ANKMY1: variants seen among roughly 807,000 people sequenced by gnomAD.
ANKMY1 encodes ankyrin repeat and MYND domain-containing protein 1.
Under a neutral mutation model 102.0 loss-of-function variants are expected in ANKMY1, and 98 were observed. The observed-to-expected ratio is 0.96, with a 90% CI of 0.82 to 1.14. The LOEUF is 1.14. Among genes scored for constraint, ANKMY1 ranks in the 50% most tolerant of loss-of-function variants. The probability of loss-of-function intolerance (pLI) is 0.00; values close to 1 mark genes in which losing one functional copy is unlikely to be tolerated. For synonymous variants in ANKMY1, 582 were observed against 559.9 expected (o/e 1.04, Z -0.56); for missense variants, 1,330 against 1,347.6 (o/e 0.99, Z 0.20).
At chr2:240,483,393 G>A (rs1050536581) in intron 15 of ANKMY1, among the ~76,000 whole-genome samples, 5 of 152,134 alleles carry the variant, frequency 3.3e-5, no homozygotes, top group Admixed American at 2.6e-4. Flanking sequence ...CTGACCTCAG[G>A]TGATCCATCC....
chr2:240,488,804 T>C (rs565738162), intron 15 of ANKMY1, among the ~76,000 whole-genome samples: 1 of 152,236 alleles, frequency 6.6e-6, no homozygotes, highest in Non-Finnish European at 1.5e-5. Flanking sequence ...CTGATTTTCT[T>C]GTATTTTAGT....
chr2:240,508,616 C>T (rs59809796), intron 12 of ANKMY1, among the ~76,000 whole-genome samples: 22,556 of 152,252 alleles, frequency 0.15, 2,153 homozygotes, highest in African/African-American at 0.25. Flanking sequence ...AACTGTGTTA[C>T]ATACTAGTTT....
At chr2:240,521,866 A>C (rs1404322474) in intron 8 of ANKMY1, 1 of 152,174 alleles carries the variant, frequency 6.6e-6, no homozygotes, top group Non-Finnish European at 1.5e-5. Flanking sequence ...GGTCTCACTG[A>C]CTTCAAGAAT....
rs370216237 is a variant in ANKMY1 at position 240,499,953 on chromosome 2, C to T, written c.2806+5G>A. 230 of 1,610,564 alleles carry T rather than the reference C, an allele frequency of 1.4e-4. 4 individuals carry two copies. The African/African-American group carries it at 2.7e-3, about 19-fold the overall frequency. ...GAGCAGAGCAGAGCAGGGCCCACTG[C>T]TCACCTCTCTTGCACAGGTACAGCC... On this transcript the variant is annotated splice_donor_5th_base_variant and intron_variant, in intron 15 of 17. Transcript: ENST00000401804. The surrounding 1 kb of genome is among the most constrained non-coding windows in gnomAD (Gnocchi z 4.2).
At chr2:240,515,222 G>A (rs910442096) in intron 9 of ANKMY1, among the ~76,000 whole-genome samples, 2 of 152,178 alleles carry the variant, frequency 1.3e-5, no homozygotes, top group African/African-American at 4.8e-5. Context: ...GGTTTTCTTT[G>A]AGATCTGATT....
rs1361881162 is a variant in ANKMY1, at chr2:240,524,167, C to A, written c.1550G>T (p.Ser517Ile). ...GQCGGSIDHRSSSLKGDSPLV... is the reference protein window; with the variant it reads ...GQCGGSIDHRISSLKGDSPLV... ...CGGGGAGTCCCCCTTCAGAGAGCTG[C>A]TCCTGTGGTCTATGGACCCCCCACA... Residue 517 changes from serine (S) to isoleucine (I), a missense_variant, in exon 8 of 18, where the codon AGC becomes ATC. By Grantham distance (142) the Ser-to-Ile change is moderately radical (BLOSUM62 -2). Transcript: ENST00000401804. 1 of 1,613,878 alleles carries A rather than the reference C, an allele frequency of 6.2e-7. No individual in the cohort carries two copies. Among genetic ancestry groups the A allele is most frequent in the African/African-American group, 1.3e-5 (1 of 74,934 alleles).
chr2:240,509,076 A>G (rs1459609892), intron 12 of ANKMY1, among the ~76,000 whole-genome samples: 1 of 151,594 alleles, frequency 6.6e-6, no homozygotes, highest in Non-Finnish European at 1.5e-5. Flanking sequence ...TGGATGGGTG[A>G]GTAGATGGAT....
At chr2:240,519,480 T>C (rs1018822036) in intron 9 of ANKMY1, among the ~76,000 whole-genome samples, 17 of 152,192 alleles carry the variant, frequency 1.1e-4, no homozygotes, top group Admixed American at 9.8e-4. Context: ...GAGGCCCTCA[T>C]GGACTGACGG....
upstream of ANKMY1, chr2:240,560,818 T>C (rs978263411): frequency 2.1e-6 from 3 of 1,434,440 alleles, no homozygotes; most frequent in Admixed American, 3.0e-5. Flanking sequence ...CGCGCGGGAG[T>C]CACGCTGTGC....
At chr2:240,479,800 G>T in intron 17 of ANKMY1, 145 bp from the exon 18 acceptor site, 1 of 702,568 alleles carries the variant, frequency 1.4e-6, no homozygotes, top group Non-Finnish European at 2.4e-6. Context: ...TCGGGATGCA[G>T]CAAGGACTGA....
intron 4 of ANKMY1, among the ~76,000 whole-genome samples, chr2:240,543,308 G>A (rs1252062719): frequency 3.3e-5 from 5 of 150,660 alleles, no homozygotes; most frequent in African/African-American, 7.3e-5. Context: ...AGCCGAGACC[G>A]TACCACTGCA....
intron 13 of ANKMY1, among the ~76,000 whole-genome samples, chr2:240,500,807 G>A (rs1227589549): frequency 6.6e-6 from 1 of 152,182 alleles, no homozygotes; most frequent in Non-Finnish European, 1.5e-5. Context: ...GCTAGGCCAC[G>A]CCTCGGGGAG....
chr2:240,557,431 C>G, intron 1 of ANKMY1, 79 bp from the exon 2 acceptor site: 2 of 1,392,906 alleles, frequency 1.4e-6, no homozygotes, highest in Non-Finnish European at 1.9e-6. Flanking sequence ...GCCCGGCCCG[C>G]GGCCCCTGAG....
Position 240,500,554 on chromosome 2 carries a change from G to C in ANKMY1, c.2538C>G (p.Leu846=). ...MDSKLALIDR[L]ISHGADILKP... is the part of the protein sequence containing the mutation. The stretch of plus-strand genomic sequence containing the variant: ...TCAGGATGTCGGCCCCGTGACTGAT[G>C]AGTCGGTCAATCTGTGGAGAACAGA... Residue 846 remains leucine (L), a synonymous_variant, in exon 14 of 18, where the codon CTC becomes CTG. Transcript: ENST00000401804. The C allele has an allele frequency of 6.2e-7, 1 of 1,613,960 alleles. No homozygotes were observed. The highest frequency in any genetic ancestry group is 8.5e-7 in the Non-Finnish European group (1 of 1,179,876).
At position 240,524,263 on chromosome 2, in the gene ANKMY1, G is replaced by A. The variant is rs757712026; in HGVS notation, c.1454C>T (p.Pro485Leu). Residue 485 changes from proline to leucine, a missense_variant, in exon 8 of 18, where the codon CCG (proline) becomes CTG (leucine). Pro to Leu is a moderately conservative substitution (Grantham distance 98). Coordinates refer to ENST00000401804, the MANE Select transcript of ANKMY1 (RefSeq NM_001282771.3). ...PSQGSYELRP[P>L]PAPLLLPRVS... ...GCGTGGCAGGAGCAGTGGTGCTGGC[G>A]GTGGCCTCAGCTCATAGCTACCCTG... The A allele has an allele frequency of 3.8e-5, 62 of 1,613,714 alleles. No individual in the cohort carries two copies. The highest frequency in any genetic ancestry group is 7.7e-5 in the South Asian group (7 of 91,086).
At chr2:240,527,118 AGATG>A (rs1156582746) in intron 5 of ANKMY1, 2 of 459,376 alleles carry the variant, frequency 4.4e-6, no homozygotes, top group Admixed American at 6.7e-5. Flanking sequence ...GTGGGTGGGA[AGATG>A]GATGGATGGG....
rs575964942 is a variant in ANKMY1 at position 240,557,348 on chromosome 2, C to T, written c.-13G>A. The T allele has an allele frequency of 1.5e-4, 228 of 1,519,138 alleles. 1 individual carries two copies. In the South Asian group the frequency reaches 2.8e-3, roughly 18 times the overall value. The allele number at this position is 1,519,138 out of a possible 1,614,324, so 94.1% of individuals were successfully genotyped here. On this transcript the variant is annotated 5_prime_UTR_variant, in exon 2 of 18. Coordinates refer to ENST00000401804, the MANE Select transcript of ANKMY1 (RefSeq NM_001282771.3). Reference sequence around the variant, plus strand: ...GGGCCCCTTCCATGTCTGTGGTCTTCCAACCTGCAAGCGACGTCAGGACCG... The same window carrying T: ...GGGCCCCTTCCATGTCTGTGGTCTTTCAACCTGCAAGCGACGTCAGGACCG...
At chr2:240,482,059 T>A (rs1474568995) in intron 16 of ANKMY1, 124 bp downstream of exon 16, 7 of 1,095,874 alleles carry the variant, frequency 6.4e-6, no homozygotes, top group Non-Finnish European at 8.0e-6. Flanking sequence ...GAGGAGGCCA[T>A]GCCACTTGGG....
intron 4 of ANKMY1, among the ~76,000 whole-genome samples, chr2:240,538,329 G>C (rs898796072): frequency 1.3e-5 from 2 of 152,196 alleles, no homozygotes; most frequent in African/African-American, 4.8e-5. Flanking sequence ...TCAGGGGCCA[G>C]CGCGAGTTCT....
Sources: allele counts gnomAD v4.1 joint callset (sites outside exome capture counted in the v4.1 genomes callset), GRCh38; gene constraint gnomAD v4.1.1; non-coding constraint Gnocchi (gnomAD v3.1); transcripts MANE v1.5; gene names NCBI Gene and HGNC (gene_info 2026-07-23, HGNC 2026-07-21).